The following IQSEC3 variants were observed in gnomAD, a reference collection of about 807,000 sequenced individuals.
The protein encoded by IQSEC3 is IQ motif and SEC7 domain-containing protein 3.
IQSEC3 carries 50 observed loss-of-function variants against 105.4 expected under a neutral mutation model. The ratio of observed to expected loss-of-function variants is 0.47; its 90% CI spans 0.38 to 0.60. IQSEC3 has a LOEUF of 0.60. Among genes scored for constraint, IQSEC3 ranks in the 20% least tolerant of loss-of-function variants. The pLI is 0.00. For missense variants in IQSEC3, 1,415 were observed against 1,630.0 expected, an observed-to-expected ratio of 0.87 and a Z score of 2.27; for synonymous variants, 708 against 746.0, an observed-to-expected ratio of 0.95 and a Z score of 0.83.
chr12:104,712 G>A (rs1555077414), intron 2 of IQSEC3, among the ~76,000 whole-genome samples: 1 of 152,248 alleles, frequency 6.6e-6, no homozygotes, highest in African/African-American at 2.4e-5. Context: ...GCAAGGCAGG[G>A]GCTCTGCCGA....
At position 125,767 on chromosome 12, in the gene IQSEC3, C is replaced by T. The variant is rs372928257; in HGVS notation, c.758C>T (p.Pro253Leu). The T allele has an allele frequency of 4.8e-4, 727 of 1,512,584 alleles. 2 individuals are homozygous for T. The highest frequency in any genetic ancestry group is 5.7e-4 in the Non-Finnish European group (643 of 1,137,496). 93.7% of individuals were successfully genotyped at this position (1,512,584 alleles called of 1,614,324 possible). A position where few individuals can be genotyped will look rare whatever the true frequency, so the allele number is the denominator to read the frequency against. The change falls in exon 3 of 14, where the codon CCG (proline) becomes CTG (leucine). Residue 253 changes from proline (P) to leucine (L), a missense_variant. Physicochemically the swap from Pro to Leu is moderately conservative, Grantham distance 98. This residue lies in a region of IQSEC3 where 720 missense variants were observed against 633.0 expected (regional missense o/e 1.14). Transcript: ENST00000538872. ...AQELQEEEERPGAGAASPRAG... is the reference protein window; with the variant it reads ...AQELQEEEERLGAGAASPRAG... ...GAGCTGCAGGAGGAGGAGGAGCGGC[C>T]GGGGGCAGGGGCTGCCTCCCCAAGG...
chr12:149,085 C>G (rs897375835), intron 5 of IQSEC3: 3 of 152,240 alleles, frequency 2.0e-5, no homozygotes, highest in Non-Finnish European at 4.4e-5. Flanking sequence ...GTACCTGTTT[C>G]TTCAGAGGCA....
At position 161,955 on chromosome 12, in the gene IQSEC3, G is replaced by A. The variant is rs1866912697; in HGVS notation, c.2473G>A (p.Glu825Lys). The change falls in exon 8 of 14, where the codon GAG (glutamate) becomes AAG (lysine). Residue 825 changes from glutamate (E) to lysine (K), a missense_variant. Around this residue, in one of 6 missense-constraint regions of IQSEC3, gnomAD observed 213 missense variants for 306.2 expected, o/e 0.70. Transcript: ENST00000538872. ...GVDDGADIPR[E>K]LVVGIYERIQ... is the part of the protein sequence containing the mutation. ...GGACGATGGCGCTGACATCCCCAGG[G>A]AGCTGGTGGTAGGCATCTATGAGAG... is the stretch of plus-strand genomic sequence containing the variant. 3 of 1,613,018 alleles carry A rather than the reference G, an allele frequency of 1.9e-6. No individual in the cohort carries two copies. Among genetic ancestry groups the A allele is most frequent in the Non-Finnish European group, 2.5e-6 (3 of 1,179,670 alleles).
intron 3 of IQSEC3, among the ~76,000 whole-genome samples, chr12:135,911 AGAT>A (rs1263030532): frequency 6.6e-6 from 1 of 152,260 alleles, no homozygotes; most frequent in Non-Finnish European, 1.5e-5. Flanking sequence ...GATCCCGAGC[AGAT>A]AACCCAGATG....
At chr12:70,958 T>G (rs1307181082) in intron 1 of IQSEC3, among the ~76,000 whole-genome samples, 17 of 152,272 alleles carry the variant, frequency 1.1e-4, no homozygotes, top group African/African-American at 4.1e-4. Context: ...TTCATTCTCT[T>G]CTCCCCTTCT....
At chr12:148,467 G>C (rs2270800) in intron 5 of IQSEC3, 2 of 151,978 alleles carry the variant, frequency 1.3e-5, no homozygotes, top group African/African-American at 2.4e-5. Context: ...TTAGTTCTTT[G>C]GGTACCTGAG....
Position 135,708 on chromosome 12 carries a change from C to T in IQSEC3, c.904-2559C>T, listed in dbSNP as rs146852258. On this transcript the variant is annotated intron_variant, in intron 3 of 13. Coordinates refer to ENST00000538872, the MANE Select transcript of IQSEC3 (RefSeq NM_001170738.2). Reference sequence around the variant, plus strand: ...CCCAGACAGACACTGTGCCGTTAGCCTTGAAGGACCAAGCTATCAGGTTAT... The same window carrying T: ...CCCAGACAGACACTGTGCCGTTAGCTTTGAAGGACCAAGCTATCAGGTTAT... Among the ~76,000 whole-genome samples, 31 of 152,330 alleles carry T rather than the reference C, an allele frequency of 2.0e-4. No homozygotes were observed. The East Asian group carries it at 5.8e-3, about 28-fold the overall frequency.
At chr12:164,189 G>C (rs893109611) in intron 9 of IQSEC3, among the ~76,000 whole-genome samples, 1 of 152,210 alleles carries the variant, frequency 6.6e-6, no homozygotes, top group Non-Finnish European at 1.5e-5. Context: ...AGCAGGGCTT[G>C]TGTCTCCCTC....
chr12:71,771 T>C (rs1164968598), intron 1 of IQSEC3, among the ~76,000 whole-genome samples: 7 of 152,384 alleles, frequency 4.6e-5, no homozygotes, highest in Middle Eastern at 6.8e-3. Flanking sequence ...GAAGGCCTGG[T>C]TGCTGAGGTG....
In IQSEC3 at chr12:178,306, TGAGA is replaced by T. The variant is rs71849208; in HGVS notation, c.*3280_*3283del. The T allele has an allele frequency of 1.1e-3, 173 of 152,146 alleles. No individual in the cohort carries two copies. Among genetic ancestry groups the T allele is most frequent in the African/African-American group, 3.9e-3 (161 of 41,498 alleles). 9.4% of individuals were successfully genotyped at this position (152,146 alleles called of 1,614,324 possible). On this transcript the variant is annotated 3_prime_UTR_variant, in exon 14 of 14. Coordinates refer to ENST00000538872, the MANE Select transcript of IQSEC3 (RefSeq NM_001170738.2). Reference sequence around the variant, plus strand: ...CCTCTCCCCGCACACCCGTCACCCATGAGAGAGAGAAACCTCTCTAGGGAAAGGC... The same window carrying T: ...CCTCTCCCCGCACACCCGTCACCCATGAGAGAAACCTCTCTAGGGAAAGGC...
chr12:163,088 G>C (rs1565446944), intron 8 of IQSEC3, among the ~76,000 whole-genome samples: 1 of 151,926 alleles, frequency 6.6e-6, no homozygotes, highest in African/African-American at 2.4e-5. Context: ...AGCCTCAGAC[G>C]AGGAGAGAGA....
chr12:157,629 T>A lies in IQSEC3; in HGVS notation c.2378T>A (p.Met793Lys). ...AFAIILLNTDMYSPNIKPDRK... is the reference protein window; with the variant it reads ...AFAIILLNTDKYSPNIKPDRK... ...GCCATCATCCTCCTCAACACCGACA[T>A]GTACAGCCCCAACATCAAGCCTGAC... Residue 793 changes from methionine (M) to lysine (K), a missense_variant, in exon 7 of 14, where the codon ATG becomes AAG. Coordinates refer to ENST00000538872, the MANE Select transcript of IQSEC3 (RefSeq NM_001170738.2). 6.2e-7 allele frequency: 1 copy of A among 1,614,130 alleles called. No individual in the cohort carries two copies. The highest frequency in any genetic ancestry group is 8.5e-7 in the Non-Finnish European group (1 of 1,180,008).
chr12:127,797 G>A (rs10431364), intron 3 of IQSEC3, among the ~76,000 whole-genome samples: 3,700 of 152,148 alleles, frequency 0.024, 154 homozygotes, highest in African/African-American at 0.083. Flanking sequence ...AGATGAGTAG[G>A]TTGCGAAAAT....
At position 163,486 on chromosome 12, in the gene IQSEC3, G is replaced by C; in HGVS notation, c.2584-8G>C. ...GTCTCTCCCGCTGAGCGCCCTGCCC[G>C]CGTGCAGGTGCTGTCCGTGCCCCAC... On this transcript the variant is annotated splice_region_variant and splice_polypyrimidine_tract_variant and intron_variant, in intron 8 of 13. Transcript: ENST00000538872. The C allele has an allele frequency of 6.3e-7, 1 of 1,597,620 alleles. No individual in the cohort carries two copies. Among genetic ancestry groups the C allele is most frequent in the Non-Finnish European group, 8.5e-7 (1 of 1,170,430 alleles).
At chr12:100,856 G>A (rs1402831904) in intron 2 of IQSEC3, among the ~76,000 whole-genome samples, 1 of 152,138 alleles carries the variant, frequency 6.6e-6, no homozygotes, top group Non-Finnish European at 1.5e-5. Flanking sequence ...AGGAGAGCGT[G>A]GAGATGTGGA....
At chr12:84,774 G>A (rs906455128) in intron 1 of IQSEC3, among the ~76,000 whole-genome samples, 1 of 152,240 alleles carries the variant, frequency 6.6e-6, no homozygotes, top group Non-Finnish European at 1.5e-5. Flanking sequence ...GTCTATGCTA[G>A]AAGGTCAGTT....
At chr12:149,732 G>A (rs1337753398) in intron 5 of IQSEC3, among the ~76,000 whole-genome samples, 2 of 152,206 alleles carry the variant, frequency 1.3e-5, no homozygotes, top group African/African-American at 4.8e-5. Flanking sequence ...CGGAGGTCAG[G>A]GAAGACTCCT....
chr12:151,075 A>G (rs369508901), intron 5 of IQSEC3, among the ~76,000 whole-genome samples: 47 of 136,474 alleles, frequency 3.4e-4, no homozygotes, highest in South Asian at 1.5e-3. Context: ...GAACACCTCA[A>G]ACTTCGTGTG....
chr12:87,140 TG>T (rs1315865304), intron 1 of IQSEC3, among the ~76,000 whole-genome samples: 1 of 152,110 alleles, frequency 6.6e-6, no homozygotes, highest in East Asian at 1.9e-4. Context: ...CAGAGCTTAT[TG>T]GGGACAGCTT....
Sources: gnomAD v4.1 joint callset for allele counts (sites outside exome capture counted in the v4.1 genomes callset) on GRCh38, gnomAD v4.1.1 for gene constraint, gnomAD v4.1.1 regional missense constraint, MANE v1.5 for transcripts, NCBI Gene and HGNC (gene_info 2026-07-23, HGNC 2026-07-21) for gene names.